Variants in DSP observed in about 807,000 individuals in gnomAD.
DSP encodes 250/210 kDa paraneoplastic pemphigus antigen.
In DSP, 114 loss-of-function variants were observed where a neutral mutation model predicts 290.6. The observed-to-expected ratio is 0.39, with a 90% confidence interval of 0.34 to 0.46. The LOEUF is 0.46. DSP is among the 20% of genes least tolerant of loss of function. The probability of loss-of-function intolerance (pLI) is 0.99; values close to 1 mark genes in which losing one functional copy is unlikely to be tolerated. For synonymous variants in DSP, 1,311 were observed against 1,316.4 expected, an observed-to-expected ratio of 1.00 and a Z score of 0.09; for missense variants, 3,230 against 3,495.8, an observed-to-expected ratio of 0.92 and a Z score of 1.92.
rs2113702109 is a variant in DSP, at chr6:7,584,598, C to T, written c.7336C>T (p.Leu2446=). 3 of 1,613,958 alleles carry T rather than the reference C, an allele frequency of 1.9e-6. No homozygotes were observed. The East Asian group carries it at 6.7e-5, about 36-fold the overall frequency. ...DEETGLCLLP[L]KEKKKQVQTS... Reference sequence around the variant, plus strand: ...GGAAACAGGGCTCTGTCTTCTGCCTCTGAAAGAAAAGAAGAAACAGGTGCA... The same window carrying T: ...GGAAACAGGGCTCTGTCTTCTGCCTTTGAAAGAAAAGAAGAAACAGGTGCA... Residue 2446 remains leucine (L), a synonymous_variant, in exon 24 of 24, where the codon CTG becomes TTG. Coordinates refer to ENST00000379802, the MANE Select transcript of DSP (RefSeq NM_004415.4). This position sits in a 1 kb window ranked among gnomAD's most constrained non-coding sequence, Gnocchi z 6.4.
At chr6:7,544,457 A>G (rs2113635594) in intron 1 of DSP, among the ~76,000 whole-genome samples, 1 of 151,774 alleles carries the variant, frequency 6.6e-6, no homozygotes, top group South Asian at 2.1e-4. Flanking sequence ...AGGTTTTCTA[A>G]ATAAAGGTTT....
rs368391882 is a variant in DSP at position 7,566,372 on chromosome 6, C to T, written c.940-5C>T. ...GCAAAGGATTTCTTATTTCTTCATT[C>T]ACAGATACGCATGAGTCAACTGGAA... On this transcript the variant is annotated splice_region_variant and splice_polypyrimidine_tract_variant and intron_variant, in intron 7 of 23. Coordinates refer to ENST00000379802, the MANE Select transcript of DSP (RefSeq NM_004415.4). 1.5e-5 allele frequency: 24 copies of T among 1,610,210 alleles called. No individual in the cohort carries two copies. Among genetic ancestry groups the T allele is most frequent in the South Asian group, 2.2e-5 (2 of 91,014 alleles).
Position 7,541,759 on chromosome 6 carries a change from G to T in DSP, c.-157G>T. 1 of 925,208 alleles carries T rather than the reference G, an allele frequency of 1.1e-6. No individual in the cohort carries two copies. The highest frequency in any genetic ancestry group is 1.5e-6 in the Non-Finnish European group (1 of 651,476). The allele number at this position is 925,208 out of a possible 1,614,324, so 57.3% of individuals were successfully genotyped here. A position where few individuals can be genotyped will look rare whatever the true frequency, so the allele number is the denominator to read the frequency against. On this transcript the variant is annotated 5_prime_UTR_variant, in exon 1 of 24. Coordinates refer to ENST00000379802, the MANE Select transcript of DSP (RefSeq NM_004415.4). ...CCGTCTCCGCGCTCGCAGCGGCCTC[G>T]GGAGGGCCCAGGTAGCGAGCAGCGA... is the stretch of plus-strand genomic sequence containing the variant.
chr6:7,581,197 C>T lies in DSP; in HGVS notation c.5007C>T (p.Leu1669=). The part of the protein sequence containing the change: ...SEVEALRRQL[L]QEQESVKQAH... ...TCGAGGCCCTGAGGCGGCAGTTACT[C>T]CAGGAACAGGAAAGTGTCAAACAAG... Residue 1669 remains leucine (L), a synonymous_variant, in exon 23 of 24, where the codon CTC becomes CTT. Transcript: ENST00000379802. The T allele has an allele frequency of 2.5e-6, 4 of 1,614,110 alleles. No individual in the cohort carries two copies. The highest frequency in any genetic ancestry group is 1.3e-5 in the African/African-American group (1 of 75,024).
chr6:7,575,236 G>A, intron 17 of DSP, 59 bp from the exon 18 acceptor site: 1 of 1,577,432 alleles, frequency 6.3e-7, no homozygotes, highest in African/African-American at 1.3e-5. Context: ...GTGACTTGTA[G>A]TGTAGCATAC....
In DSP at chr6:7,585,286, T is replaced by G; in HGVS notation, c.8024T>G (p.Val2675Gly). 1 of 1,614,030 alleles carries G rather than the reference T, an allele frequency of 6.2e-7. No individual in the cohort carries two copies. Among genetic ancestry groups the G allele is most frequent in the South Asian group, 1.1e-5 (1 of 91,062 alleles). Residue 2675 changes from valine (V) to glycine (G), a missense_variant, in exon 24 of 24, where the codon GTC becomes GGC. Physicochemically the swap from Val to Gly is moderately radical, Grantham distance 109. Around this residue, in one of 5 missense-constraint regions of DSP, gnomAD observed 582 missense variants for 555.4 expected, o/e 1.05. Transcript: ENST00000379802. ...TGQKLSLQDA[V>G]SQGVIDQDMA... ...CAGAAGCTGTCACTTCAGGACGCAG[T>G]CTCCCAGGGTGTGATTGACCAAGAC...
In DSP at chr6:7,580,938, C is replaced by G. The variant is rs778603023; in HGVS notation, c.4748C>G (p.Thr1583Ser). The change falls in exon 23 of 24, where the codon ACC becomes AGC. Residue 1583 changes from threonine to serine, a missense_variant. Thr to Ser is a moderately conservative substitution (Grantham distance 58, BLOSUM62 1). This residue lies in a region of DSP where 1,714 missense variants were observed against 1,844.5 expected (regional missense o/e 0.93). Transcript: ENST00000379802. The surrounding 1 kb of genome is among the most constrained non-coding windows in gnomAD (Gnocchi z 4.2). ...GAGGAGCTGAATCGGCTGAAGAGGA[C>G]CGCGTCAGAAGACTCCTGCAAGAGG... ...VEEELNRLKR[T>S]ASEDSCKRKK... 1.4e-5 allele frequency: 23 copies of G among 1,613,980 alleles called. No homozygotes were observed. The highest frequency in any genetic ancestry group is 9.9e-5 in the South Asian group (9 of 91,086).
intron 5 of DSP, among the ~76,000 whole-genome samples, chr6:7,563,255 CA>C (rs1203914727): frequency 4.6e-5 from 7 of 151,866 alleles, no homozygotes; most frequent in Admixed American, 4.6e-4. Flanking sequence ...AGCATAAAAT[CA>C]TAACTGATCT....
In DSP at chr6:7,555,742, C is replaced by T. The variant is rs1324720466; in HGVS notation, c.195C>T (p.His65=). The change falls in exon 2 of 24, where the codon CAC becomes CAT. Residue 65 remains histidine (H), a synonymous_variant. Coordinates refer to ENST00000379802, the MANE Select transcript of DSP (RefSeq NM_004415.4). ...GYCQTGTMSR[H]QNQNTIQELL... is the part of the protein sequence containing the mutation. ...GTCAAACCGGCACGATGTCCAGGCA[C>T]CAGAACCAGAACACCATCCAGGAGC... 3 of 1,614,110 alleles carry T rather than the reference C, an allele frequency of 1.9e-6. No individual in the cohort carries two copies. The highest frequency in any genetic ancestry group is 3.3e-5 in the Admixed American group (2 of 60,010).
intron 15 of DSP, among the ~76,000 whole-genome samples, chr6:7,573,296 GGGCCA>G (rs975183179): frequency 6.6e-6 from 1 of 152,002 alleles, no homozygotes; most frequent in Non-Finnish European, 1.5e-5. Flanking sequence ...AGAGATCCTG[GGGCCA>G]GGTGCGGTGG....
chr6:7,558,077 G>A (rs764755218), intron 2 of DSP, 39 bp from the exon 3 acceptor site: 46 of 1,613,412 alleles, frequency 2.9e-5, no homozygotes, highest in Non-Finnish European at 3.7e-5. Context: ...TTTCTTCCTG[G>A]TAGTATGTGT....
chr6:7,569,189 A>G lies in DSP; in HGVS notation c.1423A>G (p.Ile475Val). The G allele has an allele frequency of 1.2e-6, 2 of 1,614,210 alleles. No homozygotes were observed. Among genetic ancestry groups the G allele is most frequent in the Admixed American group, 1.7e-5 (1 of 60,030 alleles). The stretch of plus-strand genomic sequence containing the variant: ...CCTGGGGTTGCTTGCCTTACAGAAA[A>G]TCGTGCATAAGGGGGATGAGTGTAT... ...ALCDYKQDQKIVHKGDECILK... is the reference protein window; with the variant it reads ...ALCDYKQDQKVVHKGDECILK... The change falls in exon 12 of 24, where the codon ATC becomes GTC. Residue 475 changes from isoleucine to valine, a missense_variant. By Grantham distance (29) the Ile-to-Val change is conservative (BLOSUM62 3). Around this residue, in one of 5 missense-constraint regions of DSP, gnomAD observed 646 missense variants for 684.3 expected, o/e 0.94. Transcript: ENST00000379802.
intron 4 of DSP, among the ~76,000 whole-genome samples, chr6:7,560,582 G>A (rs745948920): frequency 2.6e-5 from 4 of 152,142 alleles, no homozygotes; most frequent in Admixed American, 6.5e-5. Flanking sequence ...GAATGTTATC[G>A]AAGAAAACAA....
rs1759283598 is a variant in DSP, at chr6:7,577,715, T to C, written c.2878-64T>C. ...CCAATGATTTAAAACTGTGGAACTGTAGCTGTTAGTGATGCTTTTTAAGTC... is the reference window on the plus strand; with the variant it reads ...CCAATGATTTAAAACTGTGGAACTGCAGCTGTTAGTGATGCTTTTTAAGTC... On this transcript the variant is annotated intron_variant, in intron 20 of 23. Transcript: ENST00000379802. 35 of 1,263,608 alleles carry C rather than the reference T, an allele frequency of 2.8e-5. No homozygotes were observed. In the South Asian group the frequency reaches 4.2e-4, roughly 15 times the overall value. 78.3% of individuals were successfully genotyped at this position (1,263,608 alleles called of 1,614,324 possible). A position where few individuals can be genotyped will look rare whatever the true frequency, so the allele number is the denominator to read the frequency against.
intron 4 of DSP, among the ~76,000 whole-genome samples, chr6:7,560,369 C>T (rs537134120): frequency 3.0e-4 from 45 of 152,276 alleles, no homozygotes; most frequent in African/African-American, 1.0e-3. Flanking sequence ...TTACCTTTTT[C>T]TCCCATTTAT....
intron 15 of DSP, among the ~76,000 whole-genome samples, chr6:7,572,337 A>G (rs774010763): frequency 2.5e-4 from 38 of 152,198 alleles, no homozygotes; most frequent in Non-Finnish European, 1.3e-4. Flanking sequence ...TCTTGCAGAG[A>G]ACAACCTATG....
rs754326012 is a variant in DSP, at chr6:7,571,587, C to G, written c.1903+3C>G. Reference sequence around the variant, plus strand: ...TGGCTATCCCCAGCACCAGACAGGTCGGCTTGGGACATCTTTCTCTTTGTA... The same window carrying G: ...TGGCTATCCCCAGCACCAGACAGGTGGGCTTGGGACATCTTTCTCTTTGTA... On this transcript the variant is annotated splice_donor_region_variant and intron_variant, in intron 14 of 23. Coordinates refer to ENST00000379802, the MANE Select transcript of DSP (RefSeq NM_004415.4). 6.2e-7 allele frequency: 1 copy of G among 1,614,052 alleles called. No homozygotes were observed. The highest frequency in any genetic ancestry group is 1.7e-5 in the Admixed American group (1 of 60,024).
chr6:7,544,609 G>C (rs1003391223), intron 1 of DSP, among the ~76,000 whole-genome samples: 1 of 151,592 alleles, frequency 6.6e-6, no homozygotes, highest in African/African-American at 2.4e-5. Context: ...TTTTTGAGAT[G>C]AGTGTTTTGT....
chr6:7,549,645 T>C (rs1461598411), intron 1 of DSP, among the ~76,000 whole-genome samples: 1 of 152,178 alleles, frequency 6.6e-6, no homozygotes, highest in Non-Finnish European at 1.5e-5. Flanking sequence ...CTAACACACA[T>C]TTCCTGAGTT....
Sources: allele counts gnomAD v4.1 joint callset (sites outside exome capture counted in the v4.1 genomes callset), GRCh38; gene constraint gnomAD v4.1.1; regional missense constraint gnomAD v4.1.1; non-coding constraint Gnocchi (gnomAD v3.1); transcripts MANE v1.5; gene names NCBI Gene and HGNC (gene_info 2026-07-23, HGNC 2026-07-21).